Variants in QSOX1 observed in about 807,000 individuals in gnomAD.
QSOX1 encodes the protein sulfhydryl oxidase 1.
In QSOX1, 40 loss-of-function variants were observed where a neutral mutation model predicts 76.1. The ratio of observed to expected loss-of-function variants is 0.53; its 90% CI spans 0.41 to 0.68. The LOEUF (loss-of-function observed/expected upper bound fraction) is 0.68. QSOX1 is among the 30% of genes least tolerant of loss of function. QSOX1 has a pLI of 0.00. For missense variants in QSOX1, 931 were observed against 974.3 expected, an observed-to-expected ratio of 0.96 and a Z score of 0.59; for synonymous variants, 392 against 413.1, an observed-to-expected ratio of 0.95 and a Z score of 0.62.
intron 8 of QSOX1, among the ~76,000 whole-genome samples, chr1:180,187,302 A>G (rs994971972): frequency 1.3e-5 from 2 of 152,194 alleles, no homozygotes; most frequent in African/African-American, 4.8e-5. Context: ...TCTTCAGTCC[A>G]TTGCCATAAT....
At chr1:180,195,193 G>A (rs1421973391) in intron 11 of QSOX1, among the ~76,000 whole-genome samples, 5 of 152,006 alleles carry the variant, frequency 3.3e-5, no homozygotes, top group East Asian at 1.9e-4. Flanking sequence ...CCTTGACCTC[G>A]GCAGGCTCCC....
intron 8 of QSOX1, 73 bp from the exon 9 acceptor site, chr1:180,189,478 TC>T: frequency 1.2e-6 from 1 of 802,692 alleles, no homozygotes; most frequent in South Asian, 1.9e-5. Context: ...CTGCATAGCT[TC>T]CTACCATCTG....
chr1:180,182,351 G>T (rs748873410), intron 6 of QSOX1, 32 bp downstream of exon 6: 3 of 1,611,966 alleles, frequency 1.9e-6, no homozygotes, highest in Non-Finnish European at 2.5e-6. Context: ...GTCCCCTCTC[G>T]TCCCTCCCTG....
chr1:180,182,143 C>G, intron 5 of QSOX1, 31 bp from the exon 6 acceptor site: 1 of 1,611,226 alleles, frequency 6.2e-7, no homozygotes, highest in Non-Finnish European at 8.5e-7. Context: ...ACCCGGTGGC[C>G]TGGCCCCCAG....
chr1:180,175,828 G>T (rs1367691547), intron 3 of QSOX1, 103 bp from the exon 4 acceptor site: 5 of 868,214 alleles, frequency 5.8e-6, no homozygotes, highest in Non-Finnish European at 9.3e-6. Flanking sequence ...GTCAGAGCTG[G>T]CTGTGCCCTC....
rs1663481331 is a variant in QSOX1, at chr1:180,196,204, T to G, written c.1469-58T>G. ...TGGCGTTCTGAGTGGAGGAGTGTGG[T>G]CTGGGTTTTTGGGTGGGACTGATGT... On this transcript the variant is annotated intron_variant, in intron 11 of 11. Transcript: ENST00000367602. The surrounding 1 kb of genome is among the most constrained non-coding windows in gnomAD (Gnocchi z 4.1). 6.5e-7 allele frequency: 1 copy of G among 1,548,014 alleles called. No homozygotes were observed. Among genetic ancestry groups the G allele is most frequent in the Admixed American group, 1.8e-5 (1 of 54,092 alleles).
Position 180,183,980 on chromosome 1 carries a change from G to T in QSOX1, c.817G>T (p.Ala273Ser), listed in dbSNP as rs994524552. Residue 273 changes from alanine to serine, a missense_variant, in exon 7 of 12, where the codon GCT becomes TCT. Ala to Ser is a moderately conservative substitution (Grantham distance 99, BLOSUM62 1). Transcript: ENST00000367602. ...GAGACTCTCTGGGCTCACCAGGGAG[G>T]CTGCCCAGACCACAGTTGCACCAAC... is the stretch of plus-strand genomic sequence containing the variant. The part of the protein sequence containing the change: ...LQRLSGLTRE[A>S]AQTTVAPTTA... 9 of 1,613,934 alleles carry T rather than the reference G, an allele frequency of 5.6e-6. No individual in the cohort carries two copies. The highest frequency in any genetic ancestry group is 6.8e-6 in the Non-Finnish European group (8 of 1,179,814).
chr1:180,169,179 A>G (rs12067207), intron 2 of QSOX1, among the ~76,000 whole-genome samples: 4,306 of 152,328 alleles, frequency 0.028, 114 homozygotes, highest in East Asian at 0.064. Context: ...GAAGGAAACA[A>G]AGGCGTGGGA....
intron 8 of QSOX1, among the ~76,000 whole-genome samples, chr1:180,187,470 C>T (rs1663203100): frequency 6.6e-6 from 1 of 152,244 alleles, no homozygotes; most frequent in Non-Finnish European, 1.5e-5. Context: ...GCTTTCCCGG[C>T]ATGCCTCAGA....
chr1:180,177,929 A>G (rs1175653411), intron 4 of QSOX1, among the ~76,000 whole-genome samples: 1 of 152,102 alleles, frequency 6.6e-6, no homozygotes, highest in South Asian at 2.1e-4. Flanking sequence ...CTCATCTTAA[A>G]ATAAGGAGAT....
chr1:180,194,661 C>T (rs1016306808), intron 11 of QSOX1, among the ~76,000 whole-genome samples: 3 of 152,222 alleles, frequency 2.0e-5, no homozygotes, highest in African/African-American at 7.2e-5. Flanking sequence ...GGTCCCTCTC[C>T]CGCCTCCCCT....
Position 180,166,545 on chromosome 1 carries a change from G to A in QSOX1, c.320G>A (p.Ser107Asn), listed in dbSNP as rs1336694206. 6.2e-7 allele frequency: 1 copy of A among 1,614,198 alleles called. No individual in the cohort carries two copies. The highest frequency in any genetic ancestry group is 1.1e-5 in the South Asian group (1 of 91,088). Residue 107 changes from serine to asparagine, a missense_variant, in exon 2 of 12, where the codon AGT becomes AAT. By Grantham distance (46) the Ser-to-Asn change is conservative (BLOSUM62 1). Transcript: ENST00000367602. The part of the protein sequence containing the change: ...AALDCAEETN[S>N]AVCRDFNIPG... ...CTGGACTGTGCTGAGGAGACCAACA[G>A]TGCAGTCTGCAGAGACTTCAACATC...
At chr1:180,188,406 GTCCAGAGCTCCTTAATTCA>G (rs1663226271) in intron 8 of QSOX1, among the ~76,000 whole-genome samples, 1 of 152,248 alleles carries the variant, frequency 6.6e-6, no homozygotes, top group South Asian at 2.1e-4. Flanking sequence ...GCTCCCAGTT[GTCCAGAGCTCCTTAATTCA>G]TCCATCCTTC....
At chr1:180,173,593 G>T (rs1287612894) in intron 2 of QSOX1, among the ~76,000 whole-genome samples, 4 of 152,192 alleles carry the variant, frequency 2.6e-5, no homozygotes, top group Non-Finnish European at 5.9e-5. Flanking sequence ...GGAGCAGAAG[G>T]TTGCAGATGG....
chr1:180,194,809 T>C (rs1238888848), intron 11 of QSOX1, among the ~76,000 whole-genome samples: 4 of 152,130 alleles, frequency 2.6e-5, no homozygotes, highest in Non-Finnish European at 5.9e-5. Context: ...AGGCACCGGC[T>C]CCCAGGAGGG....
intron 2 of QSOX1, 33 bp from the exon 3 acceptor site, chr1:180,175,288 A>G (rs1262604478): frequency 1.2e-6 from 2 of 1,611,894 alleles, no homozygotes; most frequent in African/African-American, 1.3e-5. Flanking sequence ...GCCACTATCT[A>G]TTACTGATGC....
At chr1:180,179,505 T>C (rs768853629) in intron 5 of QSOX1, among the ~76,000 whole-genome samples, 6 of 152,224 alleles carry the variant, frequency 3.9e-5, no homozygotes, top group Admixed American at 2.0e-4. Flanking sequence ...TGCAGCAGTT[T>C]ATGTAAAGGG....
At chr1:180,169,344 G>T (rs562757528) in intron 2 of QSOX1, among the ~76,000 whole-genome samples, 4,557 of 152,360 alleles carry the variant, frequency 0.03, 104 homozygotes, top group Middle Eastern at 0.085. Context: ...CCGGAGCAAG[G>T]GGTACACAGC....
intron 1 of QSOX1, among the ~76,000 whole-genome samples, chr1:180,159,871 C>T (rs1038600151): frequency 6.6e-6 from 1 of 152,174 alleles, no homozygotes; most frequent in African/African-American, 2.4e-5. Flanking sequence ...ACAGTTCTCC[C>T]CTTTTGGTCA....
Sources: allele counts gnomAD v4.1 joint callset (sites outside exome capture counted in the v4.1 genomes callset), GRCh38; gene constraint gnomAD v4.1.1; non-coding constraint Gnocchi (gnomAD v3.1); transcripts MANE v1.5; gene names NCBI Gene and HGNC (gene_info 2026-07-23, HGNC 2026-07-21).